The following INSR variants were observed in gnomAD, a reference collection of about 807,000 sequenced individuals.
INSR encodes IR.
A neutral mutation model predicts 142.6 loss-of-function variants in INSR; 67 were observed. The observed-to-expected ratio is 0.47, with a 90% CI of 0.39 to 0.58. The LOEUF is 0.58. Among genes scored for constraint, INSR ranks in the 20% least tolerant of loss-of-function variants. The pLI, the probability that INSR is intolerant of heterozygous loss-of-function variation, is 0.00. For synonymous variants in INSR, 756 were observed against 743.1 expected (o/e 1.02, Z -0.28); for missense variants, 1,248 against 1,833.2 (o/e 0.68, Z 5.83).
intron 3 of INSR, among the ~76,000 whole-genome samples, chr19:7,183,335 A>G (rs1974324773): frequency 6.6e-6 from 1 of 151,900 alleles, no homozygotes. Flanking sequence ...TACAAAAACC[A>G]GGAAACAGAT....
chr19:7,215,998 C>T (rs1600036319), intron 2 of INSR, among the ~76,000 whole-genome samples: 1 of 152,238 alleles, frequency 6.6e-6, no homozygotes, highest in East Asian at 1.9e-4. Flanking sequence ...TTCCTAATCT[C>T]ATGGTCTCAC....
intron 2 of INSR, among the ~76,000 whole-genome samples, chr19:7,237,085 G>A (rs1976182064): frequency 1.3e-5 from 2 of 151,214 alleles, no homozygotes; most frequent in South Asian, 4.2e-4. Flanking sequence ...AGGATAGGAA[G>A]TGAGTGAGGG....
intron 9 of INSR, among the ~76,000 whole-genome samples, chr19:7,157,177 G>T (rs1973617040): frequency 6.6e-6 from 1 of 151,994 alleles, no homozygotes; most frequent in Non-Finnish European, 1.5e-5. Context: ...ACGGGGTTTG[G>T]CCATGTTGGC....
chr19:7,112,359 C>T lies in INSR; in HGVS notation c.*4697G>A, dbSNP rs1356872313. On this transcript the variant is annotated 3_prime_UTR_variant, in exon 22 of 22. Transcript: ENST00000302850. The stretch of plus-strand genomic sequence containing the variant: ...TCCAAAAAAAAAGGCGTCTTCTGTA[C>T]ATGGTGCTACTTGGCTCTTGTAGGA... 6.6e-6 allele frequency: 1 copy of T among 152,100 alleles called. No individual in the cohort carries two copies. Among genetic ancestry groups the T allele is most frequent in the Non-Finnish European group, 1.5e-5 (1 of 68,016 alleles). 9.4% of individuals were successfully genotyped at this position (152,100 alleles called of 1,614,324 possible).
intron 1 of INSR, among the ~76,000 whole-genome samples, chr19:7,280,091 C>T (rs1968165178): frequency 6.6e-6 from 1 of 151,404 alleles, no homozygotes; most frequent in African/African-American, 2.4e-5. Context: ...AGGTGAAACT[C>T]CGTCTCTACT....
chr19:7,130,375 G>T (rs941870318), intron 14 of INSR, among the ~76,000 whole-genome samples: 3 of 152,332 alleles, frequency 2.0e-5, no homozygotes, highest in Admixed American at 6.5e-5. Flanking sequence ...TGGACAGAAA[G>T]AAGTGAACAG....
At chr19:7,142,389 CAAAAA>C (rs34453877) in intron 12 of INSR, among the ~76,000 whole-genome samples, 22 of 42,138 alleles carry the variant, frequency 5.2e-4, no homozygotes, top group South Asian at 2.2e-3. Context: ...GACTTCATCT[CAAAAA>C]AAAAAAAAAA....
chr19:7,203,230 A>G (rs554011185), intron 2 of INSR, among the ~76,000 whole-genome samples: 61 of 152,190 alleles, frequency 4.0e-4, no homozygotes, highest in Non-Finnish European at 7.9e-4. Flanking sequence ...TGCTCTCTAC[A>G]GTTTAATTCT....
At chr19:7,215,578 A>ATTTATTTT (rs1555753814) in intron 2 of INSR, among the ~76,000 whole-genome samples, 5 of 150,948 alleles carry the variant, frequency 3.3e-5, no homozygotes, top group African/African-American at 1.2e-4. Flanking sequence ...TTATTTATTT[A>ATTTATTTT]TTTTTTTGAG....
intron 8 of INSR, among the ~76,000 whole-genome samples, chr19:7,165,061 G>A (rs978610559): frequency 1.3e-5 from 2 of 152,046 alleles, no homozygotes; most frequent in East Asian, 1.9e-4. Context: ...GGGACGGGGA[G>A]GTTACAGTGA....
At chr19:7,137,834 G>A (rs1015074778) in intron 13 of INSR, among the ~76,000 whole-genome samples, 4 of 132,838 alleles carry the variant, frequency 3.0e-5, no homozygotes, top group South Asian at 2.6e-4. Context: ...AGATGCAACC[G>A]ACCCAAAGGA....
At chr19:7,153,223 G>A (rs1221164466) in intron 9 of INSR, among the ~76,000 whole-genome samples, 45 of 900 alleles carry the variant, frequency 0.05, no homozygotes, top group Non-Finnish European at 0.058. Flanking sequence ...CCACACACAC[G>A]CACCACACAC....
chr19:7,227,677 C>T (rs575265066), intron 2 of INSR, among the ~76,000 whole-genome samples: 1 of 152,128 alleles, frequency 6.6e-6, no homozygotes, highest in Non-Finnish European at 1.5e-5. Flanking sequence ...TCCCCTTTCA[C>T]CAAGAGGACC....
chr19:7,163,057 C>A lies in INSR; in HGVS notation c.2004G>T (p.Leu668=). Residue 668 remains leucine, a synonymous_variant, in exon 9 of 22, where the codon CTG becomes CTT. Transcript: ENST00000302850. ...FWERQAEDSE[L]FELDYCLKGL... is the part of the protein sequence containing the mutation. ...CTTTGAGGCAATAATCCAGCTCGAA[C>A]AGCTCACTGTCTTCCGCCTGCCTCT... 1 of 1,613,848 alleles carries A rather than the reference C, an allele frequency of 6.2e-7. No homozygotes were observed. Among genetic ancestry groups the A allele is most frequent in the Non-Finnish European group, 8.5e-7 (1 of 1,179,954 alleles).
intron 2 of INSR, among the ~76,000 whole-genome samples, chr19:7,248,245 A>T (rs1976594770): frequency 2.0e-5 from 3 of 150,956 alleles, no homozygotes; most frequent in Admixed American, 6.6e-5. Context: ...TCCCAGGCTC[A>T]AGCAATCCTC....
intron 13 of INSR, among the ~76,000 whole-genome samples, chr19:7,133,488 T>A (rs769059083): frequency 4.6e-5 from 7 of 152,236 alleles, no homozygotes; most frequent in Non-Finnish European, 8.8e-5. Context: ...AGCAGTGGAT[T>A]CCTAGAACGT....
At chr19:7,123,179 T>C in intron 17 of INSR, 190 bp from the exon 18 acceptor site, 1 of 592,864 alleles carries the variant, frequency 1.7e-6, no homozygotes, top group Non-Finnish European at 3.0e-6. Context: ...TTTTTTTTTT[T>C]TTAATTTTCG....
intron 2 of INSR, among the ~76,000 whole-genome samples, chr19:7,198,631 C>A (rs1483255287): frequency 1.3e-5 from 2 of 152,046 alleles, no homozygotes; most frequent in Non-Finnish European, 2.9e-5. Context: ...AGCAAAATTC[C>A]TCACATTGCA....
chr19:7,167,916 C>G, intron 7 of INSR, 52 bp downstream of exon 7: 2 of 1,611,820 alleles, frequency 1.2e-6, no homozygotes, highest in Non-Finnish European at 1.7e-6. Flanking sequence ...GTAGCAAGCA[C>G]AGAGCCAGCC....
Sources: allele counts gnomAD v4.1 joint callset (sites outside exome capture counted in the v4.1 genomes callset), GRCh38; gene constraint gnomAD v4.1.1; transcripts MANE v1.5; gene names NCBI Gene and HGNC (gene_info 2026-07-23, HGNC 2026-07-21).